FOXK2: variants seen among roughly 807,000 people sequenced by gnomAD.
FOXK2 encodes the protein forkhead box protein K2.
A neutral mutation model predicts 53.3 loss-of-function variants in FOXK2; 24 were observed. The observed-to-expected ratio is 0.45, with a 90% CI of 0.33 to 0.63. FOXK2 has a LOEUF of 0.63. Among genes scored for constraint, FOXK2 ranks in the 30% least tolerant of loss-of-function variants. The pLI is 0.03. For missense variants in FOXK2, 952 were observed against 910.5 expected, an observed-to-expected ratio of 1.05 and a Z score of -0.59; for synonymous variants, 505 against 407.1, an observed-to-expected ratio of 1.24 and a Z score of -2.89.
rs964564412 is a variant in FOXK2, at chr17:82,548,787, G to C, written c.420-14567G>C. Among the ~76,000 whole-genome samples the C allele has an allele frequency of 3.3e-5, 5 of 152,336 alleles. No homozygotes were observed. In the East Asian group the frequency reaches 9.7e-4, roughly 29 times the overall value. On this transcript the variant is annotated intron_variant, in intron 1 of 8. Coordinates refer to ENST00000335255, the MANE Select transcript of FOXK2 (RefSeq NM_004514.4). ...TGACCTCACCCTGGGGGAGGCATGGGTGTTTGGCAGAGAGCCCTTTTTGGT... is the reference window on the plus strand; with the variant it reads ...TGACCTCACCCTGGGGGAGGCATGGCTGTTTGGCAGAGAGCCCTTTTTGGT...
chr17:82,522,618 G>T (rs916329318), intron 1 of FOXK2, among the ~76,000 whole-genome samples: 2 of 151,596 alleles, frequency 1.3e-5, no homozygotes, highest in Admixed American at 1.3e-4. Context: ...TGATCTGCCC[G>T]CCTCGGCCTC....
chr17:82,601,111 G>A, intron 8 of FOXK2, 192 bp from the exon 9 acceptor site: 1 of 581,052 alleles, frequency 1.7e-6, no homozygotes, highest in Non-Finnish European at 2.9e-6. Context: ...TGTGCCCTTG[G>A]CCACCGTGGG....
chr17:82,568,456 C>T (rs1223870963), intron 3 of FOXK2, among the ~76,000 whole-genome samples: 1 of 152,230 alleles, frequency 6.6e-6, no homozygotes, highest in Non-Finnish European at 1.5e-5. Context: ...GAGGGCTGGG[C>T]AGACAGCGGA....
chr17:82,567,334 CA>C (rs1244449421), intron 2 of FOXK2, among the ~76,000 whole-genome samples: 4 of 152,236 alleles, frequency 2.6e-5, no homozygotes, highest in African/African-American at 9.6e-5. Context: ...AGAGAATCTG[CA>C]GCTCCTTGAC....
chr17:82,584,549 C>CTT (rs34083156), intron 6 of FOXK2, among the ~76,000 whole-genome samples: 5,885 of 89,276 alleles, frequency 0.066, 452 homozygotes, highest in Non-Finnish European at 0.077. Context: ...AAAACATGTC[C>CTT]TTTTTTTTTT....
intron 2 of FOXK2, among the ~76,000 whole-genome samples, chr17:82,566,656 T>A (rs1598215616): frequency 6.6e-6 from 1 of 152,094 alleles, no homozygotes; most frequent in Non-Finnish European, 1.5e-5. Context: ...CAGCGGTGGG[T>A]GCAGGGGAAG....
chr17:82,597,907 C>T (rs745487170), intron 8 of FOXK2, among the ~76,000 whole-genome samples: 1 of 152,334 alleles, frequency 6.6e-6, no homozygotes, highest in East Asian at 1.9e-4. Context: ...ACCTTGACCT[C>T]CCCAAGTGCT....
At chr17:82,533,866 G>A (rs144620082) in intron 1 of FOXK2, among the ~76,000 whole-genome samples, 4 of 151,992 alleles carry the variant, frequency 2.6e-5, no homozygotes, top group African/African-American at 9.6e-5. Context: ...GGGTGTGGTG[G>A]TGCGCAGCTG....
intron 1 of FOXK2, among the ~76,000 whole-genome samples, chr17:82,535,752 T>TA: frequency 6.6e-6 from 1 of 150,838 alleles, no homozygotes; most frequent in Non-Finnish European, 1.5e-5. Flanking sequence ...GTTTTTGTTT[T>TA]TGTTTTTTTT....
chr17:82,520,433 C>T, intron 1 of FOXK2, 126 bp downstream of exon 1: 3 of 837,422 alleles, frequency 3.6e-6, no homozygotes, highest in Non-Finnish European at 4.7e-6. Flanking sequence ...CAGCCGGGAC[C>T]ACCAGCGGGA....
intron 1 of FOXK2, chr17:82,559,258 A>T (rs1225492455): frequency 4.8e-6 from 2 of 418,184 alleles, no homozygotes; most frequent in Non-Finnish European, 9.8e-6. Flanking sequence ...GCGGTTTTCC[A>T]CTGAGCTTCA....
At position 82,601,859 on chromosome 17, in the gene FOXK2, G is replaced by A. The variant is rs2045390382; in HGVS notation, c.*360G>A. The A allele has an allele frequency of 5.0e-6, 1 of 200,860 alleles. No homozygotes were observed. Among genetic ancestry groups the A allele is most frequent in the East Asian group, 1.1e-4 (1 of 9,318 alleles). 12.4% of individuals were successfully genotyped at this position (200,860 alleles called of 1,614,324 possible). On this transcript the variant is annotated 3_prime_UTR_variant, in exon 9 of 9. Transcript: ENST00000335255. ...AAGACTAGGCCTCAGGACGCGGGGGGAGCCATCCCCGCCGCCCTCACAGGA... is the reference window on the plus strand; with the variant it reads ...AAGACTAGGCCTCAGGACGCGGGGGAAGCCATCCCCGCCGCCCTCACAGGA...
intron 8 of FOXK2, among the ~76,000 whole-genome samples, chr17:82,592,734 G>C (rs1229070723): frequency 6.6e-6 from 1 of 152,248 alleles, no homozygotes; most frequent in African/African-American, 2.4e-5. Context: ...AGCTGGCTGG[G>C]GTTCTCTGCA....
chr17:82,571,577 G>T (rs1470270724), intron 3 of FOXK2, 147 bp from the exon 4 acceptor site: 12 of 816,404 alleles, frequency 1.5e-5, no homozygotes, highest in Non-Finnish European at 1.0e-5. Context: ...CTCCAGCCTG[G>T]GCGACACAGC....
intron 4 of FOXK2, among the ~76,000 whole-genome samples, chr17:82,573,925 T>C (rs187399936): frequency 6.6e-6 from 1 of 152,332 alleles, no homozygotes; most frequent in Non-Finnish European, 1.5e-5. Context: ...GGCCTCAGTT[T>C]TGGGGGGGCC....
chr17:82,520,295 A>G lies in FOXK2; in HGVS notation c.407A>G (p.Gln136Arg), dbSNP rs2044347391. Residue 136 changes from glutamine to arginine, a missense_variant, in exon 1 of 9, where the codon CAG (glutamine) becomes CGG (arginine). Gln to Arg is a conservative substitution (Grantham distance 43). Coordinates refer to ENST00000335255, the MANE Select transcript of FOXK2 (RefSeq NM_004514.4). ...VFQRRGAPPL[Q>R]LPRVCTFRFP... ...CAGAGGCGCGGGGCGCCGCCGCTGC[A>G]GCTGCCGCGCGTGTGAGTGGCCTCG... The G allele has an allele frequency of 1.6e-6, 2 of 1,258,980 alleles. No homozygotes were observed. Among genetic ancestry groups the G allele is most frequent in the South Asian group, 3.4e-5 (1 of 29,730 alleles). 78.0% of individuals were successfully genotyped at this position (1,258,980 alleles called of 1,614,324 possible).
Position 82,563,438 on chromosome 17 carries a change from T to A in FOXK2, c.504T>A (p.Ser168=), listed in dbSNP as rs1468847212. 1 of 1,614,196 alleles carries A rather than the reference T, an allele frequency of 6.2e-7. No individual in the cohort carries two copies. Among genetic ancestry groups the A allele is most frequent in the Admixed American group, 1.7e-5 (1 of 60,016 alleles). ...AGAAGAGAGAGAAGCAGGAGGCGTC[T>A]GAGTCTCCAGTGAAGGCCGTACAGC... The part of the protein sequence containing the change: ...SSEKREKQEA[S]ESPVKAVQPH... Residue 168 remains serine, a synonymous_variant, in exon 2 of 9, where the codon TCT becomes TCA. Transcript: ENST00000335255.
chr17:82,550,400 T>C (rs1599891343), intron 1 of FOXK2, among the ~76,000 whole-genome samples: 3 of 152,074 alleles, frequency 2.0e-5, no homozygotes, highest in Admixed American at 1.3e-4. Context: ...CTGTGTCCCA[T>C]TGAACTTCAC....
At chr17:82,548,264 T>C (rs2044645746) in intron 1 of FOXK2, among the ~76,000 whole-genome samples, 1 of 152,256 alleles carries the variant, frequency 6.6e-6, no homozygotes. Flanking sequence ...ATGTGACAGC[T>C]AGTTGCTCCA....
Sources: gnomAD v4.1 joint callset for allele counts (sites outside exome capture counted in the v4.1 genomes callset) on GRCh38, gnomAD v4.1.1 for gene constraint, MANE v1.5 for transcripts, NCBI Gene and HGNC (gene_info 2026-07-23, HGNC 2026-07-21) for gene names.